CRACR2A: variants seen among roughly 807,000 people sequenced by gnomAD.
CRACR2A encodes EF-hand calcium-binding domain-containing protein 4B.
Under a neutral mutation model 90.5 loss-of-function variants are expected in CRACR2A, and 79 were observed. That is an observed-to-expected ratio of 0.87 (90% confidence interval 0.73 to 1.05). The LOEUF is 1.05. CRACR2A is among the 50% of genes least tolerant of loss of function. The probability of loss-of-function intolerance (pLI) is 0.00; values close to 1 mark genes in which losing one functional copy is unlikely to be tolerated. For missense variants in CRACR2A, 823 were observed against 897.2 expected (o/e 0.92, Z 1.06); for synonymous variants, 338 against 356.7 (o/e 0.95, Z 0.59).
rs189305304 is a variant in CRACR2A, at chr12:3,709,607, G to A, written c.-37+3630C>T. Reference sequence around the variant, plus strand: ...AGCCTGGCCAACATGGTGAAACTCCGTCTCTACTAAAAATAAAAAATTAGC... The same window carrying A: ...AGCCTGGCCAACATGGTGAAACTCCATCTCTACTAAAAATAAAAAATTAGC... On this transcript the variant is annotated intron_variant, in intron 3 of 19. Transcript: ENST00000440314. 3.7e-3 allele frequency among the ~76,000 whole-genome samples: 568 copies of A among 152,126 alleles called. 6 individuals are homozygous for A. Among genetic ancestry groups the A allele is most frequent in the South Asian group, 0.037 (178 of 4,814 alleles).
intron 1 of CRACR2A, among the ~76,000 whole-genome samples, chr12:3,745,301 A>G (rs11062784): frequency 0.49 from 73,719 of 151,938 alleles, 18,517 homozygotes; most frequent in Middle Eastern, 0.57. Flanking sequence ...TATCTCCCCA[A>G]TGGCAATTTC....
At chr12:3,680,185 C>A in intron 5 of CRACR2A, 53 bp downstream of exon 5, 1 of 1,445,812 alleles carries the variant, frequency 6.9e-7, no homozygotes, top group Non-Finnish European at 9.7e-7. Flanking sequence ...GCACCTTATA[C>A]AGTGTTAGGT....
At chr12:3,722,194 G>C (rs749080981) in intron 2 of CRACR2A, among the ~76,000 whole-genome samples, 4 of 152,160 alleles carry the variant, frequency 2.6e-5, no homozygotes, top group Non-Finnish European at 4.4e-5. Flanking sequence ...AATCTTCTTG[G>C]ATGTGTTGGA....
At chr12:3,704,023 T>C (rs1945876071) in intron 3 of CRACR2A, among the ~76,000 whole-genome samples, 1 of 152,256 alleles carries the variant, frequency 6.6e-6, no homozygotes, top group Non-Finnish European at 1.5e-5. Flanking sequence ...GACAGTTTCT[T>C]AGAAAGTCAA....
intron 13 of CRACR2A, chr12:3,640,477 G>C: frequency 8.5e-7 from 1 of 1,172,478 alleles, no homozygotes; most frequent in Non-Finnish European, 1.1e-6. Context: ...TCAAAAGAAT[G>C]TCTGGTACAC....
At chr12:3,723,084 C>T (rs1260320985) in intron 2 of CRACR2A, among the ~76,000 whole-genome samples, 1 of 152,182 alleles carries the variant, frequency 6.6e-6, no homozygotes, top group Non-Finnish European at 1.5e-5. Flanking sequence ...TAAACAATTC[C>T]TGGTGTAACT....
chr12:3,654,662 C>T (rs1291989415), intron 9 of CRACR2A, among the ~76,000 whole-genome samples: 1 of 152,198 alleles, frequency 6.6e-6, no homozygotes, highest in East Asian at 1.9e-4. Context: ...AGCTGCTCCA[C>T]TCAAAAAGAC....
At chr12:3,700,919 C>T (rs1945825337) in intron 3 of CRACR2A, among the ~76,000 whole-genome samples, 1 of 152,140 alleles carries the variant, frequency 6.6e-6, no homozygotes, top group African/African-American at 2.4e-5. Flanking sequence ...TTTTCAAATA[C>T]ACATGGAATA....
Position 3,671,682 on chromosome 12 carries a change from C to T in CRACR2A, c.671+1764G>A, listed in dbSNP as rs779950606. ...AGGATACAGGGATCCTTAAACTTAG[C>T]CTCTGATTATATTCAGGCTCAAACT... On this transcript the variant is annotated intron_variant, in intron 7 of 19. Coordinates refer to ENST00000440314, the MANE Select transcript of CRACR2A (RefSeq NM_001144958.2). Among the ~76,000 whole-genome samples, 90 of 152,160 alleles carry T rather than the reference C, an allele frequency of 5.9e-4. 1 individual carries two copies. The highest frequency in any genetic ancestry group is 7.1e-4 in the Non-Finnish European group (48 of 68,038).
At chr12:3,715,446 A>G (rs906890442) in intron 2 of CRACR2A, among the ~76,000 whole-genome samples, 7 of 152,242 alleles carry the variant, frequency 4.6e-5, no homozygotes, top group Admixed American at 4.6e-4. Flanking sequence ...GGATGCCTAG[A>G]GAGCTTGCAA....
Position 3,673,468 on chromosome 12 carries a change from C to A in CRACR2A, c.649G>T (p.Glu217Ter). 6.2e-7 allele frequency: 1 copy of A among 1,613,940 alleles called. No homozygotes were observed. Among genetic ancestry groups the A allele is most frequent in the Non-Finnish European group, 8.5e-7 (1 of 1,179,958 alleles). The change falls in exon 7 of 20, where the codon GAA (glutamate) becomes TAA (stop). Residue 217 changes from glutamate to a stop codon, truncating the protein, a stop_gained. Transcript: ENST00000440314. LOFTEE classifies it high-confidence loss of function. The part of the protein sequence containing the change: ...QLQEAHEEKN[E>*]LECALKRKIA... Reference sequence around the variant, plus strand: ...CACCTTTTTAGGGCACACTCCAGTTCATTCTTCTCCTCATGGGCTTCTTGG... The same window carrying A: ...CACCTTTTTAGGGCACACTCCAGTTAATTCTTCTCCTCATGGGCTTCTTGG...
At chr12:3,721,776 T>C (rs1946181851) in intron 2 of CRACR2A, among the ~76,000 whole-genome samples, 1 of 152,152 alleles carries the variant, frequency 6.6e-6, no homozygotes, top group Non-Finnish European at 1.5e-5. Flanking sequence ...ATCTTGTTTA[T>C]TGGGTTTATG....
chr12:3,685,997 A>G (rs1945546320), intron 4 of CRACR2A, among the ~76,000 whole-genome samples: 1 of 152,240 alleles, frequency 6.6e-6, no homozygotes, highest in Non-Finnish European at 1.5e-5. Context: ...TCCAGGTCCC[A>G]GTCTCAGGGC....
Position 3,654,226 on chromosome 12 carries a change from G to A in CRACR2A, c.1032C>T (p.His344=), listed in dbSNP as rs1944854086. ...GCTGGACTCACATCTCCTTCTCTTG[G>A]TGGAGTTTGCAGGCCTCTTGCTGGA... ...ESLQQEACKL[H]QEKEMEVYRV... Residue 344 remains histidine (H), a synonymous_variant, in exon 10 of 20, where the codon CAC becomes CAT. Transcript: ENST00000440314. 1.9e-6 allele frequency: 3 copies of A among 1,612,604 alleles called. No individual in the cohort carries two copies. The highest frequency in any genetic ancestry group is 2.2e-5 in the East Asian group (1 of 44,826).
chr12:3,733,901 AC>A (rs1946398882), intron 1 of CRACR2A, among the ~76,000 whole-genome samples: 1 of 151,096 alleles, frequency 6.6e-6, no homozygotes, highest in Non-Finnish European at 1.5e-5. Flanking sequence ...ACACACACAC[AC>A]ACACACACAC....
chr12:3,634,629 C>G (rs1216438708), intron 14 of CRACR2A, among the ~76,000 whole-genome samples: 1 of 152,230 alleles, frequency 6.6e-6, no homozygotes, highest in Non-Finnish European at 1.5e-5. Context: ...GCCTTCAGGC[C>G]CAGCTCAGCG....
chr12:3,720,225 A>AAAAGAAAGAAAGAAAG (rs757788405), intron 2 of CRACR2A, among the ~76,000 whole-genome samples: 71 of 125,568 alleles, frequency 5.7e-4, no homozygotes, highest in East Asian at 2.0e-3. Flanking sequence ...AGAAGAAAGA[A>AAAAGAAAGAAAGAAAG]AAAGAAAGAA....
chr12:3,699,499 G>A (rs774787066), intron 3 of CRACR2A, among the ~76,000 whole-genome samples: 1 of 152,144 alleles, frequency 6.6e-6, no homozygotes, highest in Non-Finnish European at 1.5e-5. Context: ...GTCCTATATA[G>A]ACTCTGTAGT....
intron 15 of CRACR2A, among the ~76,000 whole-genome samples, chr12:3,628,814 A>G (rs929792576): frequency 1.3e-5 from 2 of 152,098 alleles, no homozygotes; most frequent in African/African-American, 4.8e-5. Flanking sequence ...ACAGATAGAG[A>G]CAGAAGAGAC....
Sources: gnomAD v4.1 joint callset for allele counts (sites outside exome capture counted in the v4.1 genomes callset) on GRCh38, gnomAD v4.1.1 for gene constraint, MANE v1.5 for transcripts, NCBI Gene and HGNC (gene_info 2026-07-23, HGNC 2026-07-21) for gene names.